The following CYP39A1 variants were observed in gnomAD, a reference collection of about 807,000 sequenced individuals.
CYP39A1 encodes cytochrome P450 family 39 subfamily A member 1, also known as 24-hydroxycholesterol 7-alpha-hydroxylase.
A neutral mutation model predicts 58.1 loss-of-function variants in CYP39A1; 49 were observed. The observed-to-expected ratio is 0.84, with a 90% CI of 0.67 to 1.07. The LOEUF is 1.07. Among genes scored for constraint, CYP39A1 ranks in the 50% least tolerant of loss-of-function variants. CYP39A1 has a pLI of 0.00. For missense variants in CYP39A1, 531 were observed against 539.4 expected (o/e 0.98, Z 0.16); for synonymous variants, 209 against 187.6 (o/e 1.11, Z -0.93).
intron 7 of CYP39A1, among the ~76,000 whole-genome samples, chr6:46,623,517 A>G (rs956758753): frequency 2.0e-5 from 3 of 152,104 alleles, no homozygotes; most frequent in Non-Finnish European, 4.4e-5. Flanking sequence ...CCCTAATGTA[A>G]GTGTGCACCA....
chr6:46,583,714 C>G, intron 10 of CYP39A1: 1 of 420,290 alleles, frequency 2.4e-6, no homozygotes, highest in Non-Finnish European at 3.2e-6. Context: ...TCAGAACCCC[C>G]ACGAATACGA....
intron 7 of CYP39A1, among the ~76,000 whole-genome samples, chr6:46,604,325 A>G (rs1347180753): frequency 6.6e-6 from 1 of 152,194 alleles, no homozygotes; most frequent in Middle Eastern, 3.2e-3. Flanking sequence ...ACGATGGAAT[A>G]TCTTGCCTCT....
chr6:46,618,744 T>A (rs911432619), intron 7 of CYP39A1, among the ~76,000 whole-genome samples: 22 of 152,090 alleles, frequency 1.4e-4, no homozygotes, highest in Non-Finnish European at 2.6e-4. Context: ...TAAATTTTTT[T>A]AAAATAATAT....
intron 7 of CYP39A1, among the ~76,000 whole-genome samples, chr6:46,599,241 G>T (rs1246276157): frequency 6.6e-6 from 1 of 152,132 alleles, no homozygotes; most frequent in East Asian, 1.9e-4. Flanking sequence ...ACTAAAAGTG[G>T]TTAATGCAAT....
At chr6:46,574,229 C>A (rs1771739793) in intron 10 of CYP39A1, among the ~76,000 whole-genome samples, 1 of 152,124 alleles carries the variant, frequency 6.6e-6, no homozygotes, top group Non-Finnish European at 1.5e-5. Flanking sequence ...TATGAAGATC[C>A]TGGAAGGAAT....
intron 10 of CYP39A1, among the ~76,000 whole-genome samples, chr6:46,563,592 AAT>A: frequency 1.3e-5 from 2 of 152,298 alleles, no homozygotes; most frequent in East Asian, 1.9e-4. Flanking sequence ...AGGTCACAAT[AAT>A]ATATAGATGA....
At chr6:46,640,451 C>G (rs906772900) in intron 2 of CYP39A1, among the ~76,000 whole-genome samples, 5 of 152,160 alleles carry the variant, frequency 3.3e-5, no homozygotes, top group African/African-American at 1.2e-4. Context: ...CTTTCCTAAC[C>G]CCATGAATAG....
At position 46,613,214 on chromosome 6, in the gene CYP39A1, G is replaced by C. The variant is rs1582399879; in HGVS notation, c.931+12204C>G. ...TTTCCTCACCAGTGTATAACGTGTA[G>C]CTACCTAAGTCAATGTCACCAGGTA... On this transcript the variant is annotated intron_variant, in intron 7 of 11. Transcript: ENST00000275016. 2.6e-5 allele frequency among the ~76,000 whole-genome samples: 4 copies of C among 152,304 alleles called. 1 individual carries two copies. The highest frequency in any genetic ancestry group is 2.6e-4 in the Admixed American group (4 of 15,290).
At chr6:46,557,363 G>T (rs1024680085) in intron 10 of CYP39A1, among the ~76,000 whole-genome samples, 3 of 151,710 alleles carry the variant, frequency 2.0e-5, no homozygotes, top group African/African-American at 7.3e-5. Flanking sequence ...CATGCCGACT[G>T]GGTGCAGTGG....
intron 7 of CYP39A1, among the ~76,000 whole-genome samples, chr6:46,622,807 T>C (rs1775049100): frequency 6.6e-6 from 1 of 152,104 alleles, no homozygotes; most frequent in African/African-American, 2.4e-5. Flanking sequence ...TAAGCAAGCA[T>C]CTTCACAAAG....
chr6:46,571,841 C>T (rs573762317), intron 10 of CYP39A1, among the ~76,000 whole-genome samples: 5 of 151,920 alleles, frequency 3.3e-5, no homozygotes, highest in Non-Finnish European at 5.9e-5. Context: ...TGATATGATT[C>T]GTTTTTGTAG....
chr6:46,648,561 C>G (rs1346763861), intron 1 of CYP39A1, among the ~76,000 whole-genome samples: 3 of 150,274 alleles, frequency 2.0e-5, no homozygotes, highest in Non-Finnish European at 3.0e-5. Flanking sequence ...GGAGATATAC[C>G]TAATATAAAT....
At chr6:46,559,648 A>G (rs1770862775) in intron 10 of CYP39A1, among the ~76,000 whole-genome samples, 1 of 152,184 alleles carries the variant, frequency 6.6e-6, no homozygotes, top group Admixed American at 6.5e-5. Context: ...GCAGCATCTC[A>G]TTTTCAGTGC....
intron 7 of CYP39A1, among the ~76,000 whole-genome samples, chr6:46,607,892 G>A (rs1403771382): frequency 1.3e-5 from 2 of 152,196 alleles, no homozygotes; most frequent in African/African-American, 4.8e-5. Context: ...TCTGTGTCAT[G>A]ACTAAGTTTT....
chr6:46,550,685 T>C (rs1205616611), intron 11 of CYP39A1, among the ~76,000 whole-genome samples: 1 of 152,190 alleles, frequency 6.6e-6, no homozygotes, highest in African/African-American at 2.4e-5. Flanking sequence ...CTGAAGGCTA[T>C]AGGCCTGCCA....
At chr6:46,625,357 C>T in intron 7 of CYP39A1, 61 bp downstream of exon 7, 1 of 1,191,700 alleles carries the variant, frequency 8.4e-7, no homozygotes, top group Non-Finnish European at 1.2e-6. Flanking sequence ...TTAGCTTTGC[C>T]AATAATGTGT....
intron 1 of CYP39A1, among the ~76,000 whole-genome samples, chr6:46,647,644 A>G (rs2150609370): frequency 6.6e-6 from 1 of 152,336 alleles, no homozygotes; most frequent in Non-Finnish European, 1.5e-5. Flanking sequence ...CAATCTACTT[A>G]AACTATTTAT....
At chr6:46,572,950 A>G (rs532654769) in intron 10 of CYP39A1, among the ~76,000 whole-genome samples, 1 of 151,390 alleles carries the variant, frequency 6.6e-6, no homozygotes, top group Non-Finnish European at 1.5e-5. Flanking sequence ...GAAGTTCCCT[A>G]TTGCATTTTT....
chr6:46,553,625 G>T, intron 11 of CYP39A1, 142 bp downstream of exon 11: 1 of 663,106 alleles, frequency 1.5e-6, no homozygotes, highest in Non-Finnish European at 2.7e-6. Context: ...TTCTCAGTCT[G>T]GTTCAATCTA....
Sources: gnomAD v4.1 joint callset for allele counts (sites outside exome capture counted in the v4.1 genomes callset) on GRCh38, gnomAD v4.1.1 for gene constraint, MANE v1.5 for transcripts, NCBI Gene and HGNC (gene_info 2026-07-23, HGNC 2026-07-21) for gene names.